OR3A2: variants seen among roughly 807,000 people sequenced by gnomAD.
OR3A2 encodes olfactory receptor family 3 subfamily A member 2, also known as olfactory receptor 3A2.
For synonymous variants in OR3A2, 126 were observed against 159.3 expected (o/e 0.79, Z 1.57); for missense variants, 318 against 392.8 (o/e 0.81, Z 1.61).
chr17:3,337,599 T>C (rs554337973), intron 2 of OR3A2, among the ~76,000 whole-genome samples: 7 of 152,306 alleles, frequency 4.6e-5, no homozygotes, highest in South Asian at 2.1e-4. Flanking sequence ...ACAAAGGACA[T>C]GAACTCATCA....
intron 3 of OR3A2, chr17:3,310,991 A>T (rs1314189801): frequency 1.8e-6 from 1 of 552,454 alleles, no homozygotes; most frequent in Non-Finnish European, 3.7e-6. Context: ...TGGCAGCTGC[A>T]GTCCTGCGAA....
rs552615698 is a variant in OR3A2, at chr17:3,375,139, CTTTTTTTTTTTTTTTTT to C, written c.-179+8648_-179+8664del. ...TATCTGGCAATTCAGAGCCTTCTTC[CTTTTTTTTTTTTTTTTT>C]TTTTTTTTTTTTTCTTTTTGAGACA... is the stretch of plus-strand genomic sequence containing the variant. On this transcript the variant is annotated intron_variant, in intron 2 of 4. Transcript: ENST00000573491. 1.3e-3 allele frequency among the ~76,000 whole-genome samples: 38 copies of C among 28,704 alleles called. 1 individual carries two copies. Among genetic ancestry groups the C allele is most frequent in the African/African-American group, 2.6e-3 (24 of 9,142 alleles). 18.8% of individuals were successfully genotyped at this position (28,704 alleles called of 152,430 possible). A position where few individuals can be genotyped will look rare whatever the true frequency, so the allele number is the denominator to read the frequency against.
intron 2 of OR3A2, among the ~76,000 whole-genome samples, chr17:3,358,635 TGA>T (rs1351455473): frequency 1.3e-5 from 2 of 151,790 alleles, no homozygotes; most frequent in Admixed American, 1.3e-4. Flanking sequence ...TGCTGTGGTC[TGA>T]GAGTATGTTT....
chr17:3,318,578 C>A lies in OR3A2; in HGVS notation c.-85+17455G>T, dbSNP rs147139283. Among the ~76,000 whole-genome samples, 806 of 152,328 alleles carry A rather than the reference C, an allele frequency of 5.3e-3. 7 individuals are homozygous for A. Among genetic ancestry groups the A allele is most frequent in the Middle Eastern group, 0.017 (5 of 294 alleles). Reference sequence around the variant, plus strand: ...TTGTTCTTCCACTGTTCTTCCTACCCAGCACAGCCTGCTTACTTTTTAGTT... The same window carrying A: ...TTGTTCTTCCACTGTTCTTCCTACCAAGCACAGCCTGCTTACTTTTTAGTT... On this transcript the variant is annotated intron_variant, in intron 3 of 4. Coordinates refer to the OR3A2 transcript ENST00000573491.
At chr17:3,373,820 T>C (rs2049655218) in intron 2 of OR3A2, among the ~76,000 whole-genome samples, 1 of 152,186 alleles carries the variant, frequency 6.6e-6, no homozygotes, top group African/African-American at 2.4e-5. Flanking sequence ...TGTGAGGTAG[T>C]GTTCTGTTCA....
exon 2 of OR3A2, chr17:3,278,260 C>A (rs1358410597): frequency 6.2e-7 from 1 of 1,614,170 alleles, no homozygotes; most frequent in Non-Finnish European, 8.5e-7. Context: ...TGGCTGTAGG[C>A]AGTGATGATG....
At position 3,278,492 on chromosome 17, in the gene OR3A2, T is replaced by C. The variant is rs368772596; in HGVS notation, c.426A>G (p.Thr142=). The change falls in exon 2 of 2, where the codon ACA becomes ACG. Residue 142 remains threonine, a synonymous_variant. Transcript: ENST00000642052. ...ACGCAGCCACCAACATCCTCTGGAC[T>C]GTCTGACTCATGCGGGTGCTGTAGG... The C allele has an allele frequency of 1.5e-5, 25 of 1,613,978 alleles. No individual in the cohort carries two copies. The African/African-American group carries it at 2.7e-4, about 17-fold the overall frequency.
chr17:3,369,643 T>C (rs569634189), intron 2 of OR3A2, among the ~76,000 whole-genome samples: 5 of 152,192 alleles, frequency 3.3e-5, no homozygotes, highest in Admixed American at 6.5e-5. Context: ...TAGTATTTTG[T>C]TGAGGATTTT....
intron 3 of OR3A2, among the ~76,000 whole-genome samples, chr17:3,326,284 C>A (rs570079575): frequency 6.6e-6 from 1 of 152,146 alleles, no homozygotes; most frequent in African/African-American, 2.4e-5. Context: ...AGAATGATTT[C>A]TATTCATTTG....
chr17:3,288,783 T>G (rs2048838163), upstream of OR3A2, among the ~76,000 whole-genome samples: 1 of 152,232 alleles, frequency 6.6e-6, no homozygotes, highest in Non-Finnish European at 1.5e-5. Flanking sequence ...TGCATTTGTA[T>G]TTCTGATAGT....
intron 3 of OR3A2, among the ~76,000 whole-genome samples, chr17:3,297,815 T>C (rs973639685): frequency 6.6e-6 from 1 of 152,152 alleles, no homozygotes; most frequent in Non-Finnish European, 1.5e-5. Context: ...CAGATTGGGC[T>C]GTAGGAGTTG....
intron 2 of OR3A2, among the ~76,000 whole-genome samples, chr17:3,352,253 C>T (rs1567564783): frequency 6.8e-6 from 1 of 146,116 alleles, no homozygotes; most frequent in East Asian, 1.9e-4. Flanking sequence ...AGCTTTTTAA[C>T]TTGATGTGAT....
At chr17:3,381,324 T>G (rs950264601) in intron 2 of OR3A2, among the ~76,000 whole-genome samples, 14 of 148,012 alleles carry the variant, frequency 9.5e-5, no homozygotes, top group South Asian at 2.1e-4. Flanking sequence ...TAGGGTTTTT[T>G]TTTTTTTTTT....
chr17:3,341,846 T>C (rs2049321821), intron 2 of OR3A2, among the ~76,000 whole-genome samples: 1 of 152,242 alleles, frequency 6.6e-6, no homozygotes, highest in Admixed American at 6.5e-5. Flanking sequence ...CTGGATAATA[T>C]CTTGAAGAGT....
chr17:3,349,441 T>A (rs1279317105), intron 2 of OR3A2, among the ~76,000 whole-genome samples: 1 of 151,582 alleles, frequency 6.6e-6, no homozygotes, highest in African/African-American at 2.4e-5. Flanking sequence ...AAGAAGGCCA[T>A]TACATAATGG....
chr17:3,332,377 G>T (rs1035343820), intron 3 of OR3A2, among the ~76,000 whole-genome samples: 4 of 152,234 alleles, frequency 2.6e-5, no homozygotes, highest in African/African-American at 9.6e-5. Flanking sequence ...CGTGGGCGTA[G>T]GACCCTCCGA....
chr17:3,344,153 T>G (rs937372217), intron 2 of OR3A2, among the ~76,000 whole-genome samples: 12 of 152,214 alleles, frequency 7.9e-5, no homozygotes, highest in Non-Finnish European at 1.5e-5. Flanking sequence ...TTAGGTGGCA[T>G]GTTACAAAAA....
At chr17:3,336,856 GAGT>G (rs2049277866) in intron 2 of OR3A2, among the ~76,000 whole-genome samples, 1 of 152,110 alleles carries the variant, frequency 6.6e-6, no homozygotes, top group African/African-American at 2.4e-5. Flanking sequence ...AATGTTTTCT[GAGT>G]AAACAAACGC....
At chr17:3,315,759 G>GC (rs956516229) in intron 3 of OR3A2, among the ~76,000 whole-genome samples, 16 of 122,806 alleles carry the variant, frequency 1.3e-4, no homozygotes, top group African/African-American at 5.0e-4. Context: ...TATGGGGGGG[G>GC]GGGCGGTAGT....
Sources: gnomAD v4.1 joint callset for allele counts (sites outside exome capture counted in the v4.1 genomes callset) on GRCh38, gnomAD v4.1.1 for gene constraint, MANE v1.5 for transcripts, NCBI Gene and HGNC (gene_info 2026-07-23, HGNC 2026-07-21) for gene names.